The following TANGO2 variants were observed in gnomAD, a reference collection of about 807,000 sequenced individuals.
TANGO2 encodes the protein transport and golgi organization 2 homolog, also known as transport and Golgi organization protein 2 homolog.
A neutral mutation model predicts 39.1 loss-of-function variants in TANGO2; 26 were observed. That is an observed-to-expected ratio of 0.67 (90% CI 0.49 to 0.92). The LOEUF (loss-of-function observed/expected upper bound fraction) is 0.92, where lower values mean the gene tolerates loss of function less well. Ranked by LOEUF, TANGO2 falls within the 40% of genes least tolerant of loss-of-function variation. The pLI, the probability that TANGO2 is intolerant of heterozygous loss-of-function variation, is 0.00. For missense variants in TANGO2, 326 were observed against 360.1 expected (o/e 0.91, Z 0.77); for synonymous variants, 131 against 144.5 (o/e 0.91, Z 0.67).
intron 1 of TANGO2, among the ~76,000 whole-genome samples, chr22:20,022,865 C>T (rs551376411): frequency 2.9e-4 from 44 of 152,350 alleles, no homozygotes; most frequent in African/African-American, 1.1e-3. Flanking sequence ...CCATGCTTGT[C>T]ATTGACACTC....
chr22:20,044,339 A>C lies in TANGO2; in HGVS notation c.145+896A>C, dbSNP rs571413665. Among the ~76,000 whole-genome samples the C allele has an allele frequency of 2.6e-5, 4 of 152,244 alleles. No individual in the cohort carries two copies. The South Asian group carries it at 8.3e-4, about 32-fold the overall frequency. On this transcript the variant is annotated intron_variant, in intron 3 of 8. Transcript: ENST00000327374. ...GGAGTTCAAGACCAGTCTGGGCAAC[A>C]TGGTAAAACCCTGTCTCTACAAAAA... is the stretch of plus-strand genomic sequence containing the variant.
intron 1 of TANGO2, among the ~76,000 whole-genome samples, chr22:20,033,674 G>A (rs1449253062): frequency 6.6e-6 from 1 of 152,222 alleles, no homozygotes; most frequent in African/African-American, 2.4e-5. Flanking sequence ...GTTCTCATGT[G>A]CAGGAAAGAC....
intron 2 of TANGO2, among the ~76,000 whole-genome samples, chr22:20,037,794 A>C (rs2043135245): frequency 6.6e-6 from 1 of 152,172 alleles, no homozygotes; most frequent in Non-Finnish European, 1.5e-5. Flanking sequence ...GAGTGAACAG[A>C]ACTCTAAAGA....
At chr22:20,037,471 C>A in intron 2 of TANGO2, among the ~76,000 whole-genome samples, 1 of 152,312 alleles carries the variant, frequency 6.6e-6, no homozygotes, top group South Asian at 2.1e-4. Flanking sequence ...TGTAACCACT[C>A]TCTAATGCAA....
intron 3 of TANGO2, among the ~76,000 whole-genome samples, chr22:20,047,092 G>C (rs1481021319): frequency 6.6e-6 from 1 of 152,132 alleles, no homozygotes; most frequent in Non-Finnish European, 1.5e-5. Flanking sequence ...TAAACAACCA[G>C]TTCTCAAAGG....
At chr22:20,042,732 T>C (rs1268625098) in intron 2 of TANGO2, among the ~76,000 whole-genome samples, 1 of 151,998 alleles carries the variant, frequency 6.6e-6, no homozygotes, top group African/African-American at 2.4e-5. Context: ...GCCACTGCAC[T>C]CTAGCCTGGG....
intron 3 of TANGO2, among the ~76,000 whole-genome samples, chr22:20,051,728 C>G (rs2046376615): frequency 6.6e-6 from 1 of 151,746 alleles, no homozygotes; most frequent in Non-Finnish European, 1.5e-5. Context: ...TGGTACCTGC[C>G]TGTGGTCCCA....
chr22:20,030,893 C>T (rs930027610), intron 1 of TANGO2, among the ~76,000 whole-genome samples: 1 of 152,106 alleles, frequency 6.6e-6, no homozygotes, highest in African/African-American at 2.4e-5. Flanking sequence ...GAGACCCCAC[C>T]TCTCCAAAAA....
At chr22:20,036,456 A>T (rs1323469420) in intron 1 of TANGO2, among the ~76,000 whole-genome samples, 2 of 151,808 alleles carry the variant, frequency 1.3e-5, no homozygotes, top group African/African-American at 4.8e-5. Context: ...CCCCCCGGGG[A>T]CCCCCTCGGC....
At chr22:20,030,196 T>A (rs1467992368) in intron 1 of TANGO2, among the ~76,000 whole-genome samples, 1 of 150,994 alleles carries the variant, frequency 6.6e-6, no homozygotes, top group Admixed American at 6.6e-5. Flanking sequence ...AGATGGAGTT[T>A]CCCTCTTGTC....
chr22:20,017,496 C>G (rs144310551), upstream of TANGO2, among the ~76,000 whole-genome samples: 419 of 152,266 alleles, frequency 2.8e-3, 1 homozygote, highest in African/African-American at 9.2e-3. Flanking sequence ...TCACCTCCCC[C>G]ACCAGGCCTG....
rs1057524410 is a variant in TANGO2, at chr22:20,036,809, T to A, written c.11T>A (p.Ile4Asn). Residue 4 changes from isoleucine (I) to asparagine (N), a missense_variant, in exon 2 of 9, where the codon ATC becomes AAC. Physicochemically the swap from Ile to Asn is moderately radical, Grantham distance 149 (BLOSUM62 -3). Coordinates refer to ENST00000327374, the MANE Select transcript of TANGO2 (RefSeq NM_152906.7). MCIIFFKFDPRPVS... is the reference protein window; with the variant it reads MCINFFKFDPRPVS... ...CCGCCCTGCACCACCATGTGCATCATCTTCTTTAAGTTTGATCCTCGCCCT... is the reference window on the plus strand; with the variant it reads ...CCGCCCTGCACCACCATGTGCATCAACTTCTTTAAGTTTGATCCTCGCCCT... 1 of 1,614,218 alleles carries A rather than the reference T, an allele frequency of 6.2e-7. No individual in the cohort carries two copies. Among genetic ancestry groups the A allele is most frequent in the Non-Finnish European group, 8.5e-7 (1 of 1,180,052 alleles).
At chr22:20,035,972 C>T (rs762896907) in intron 1 of TANGO2, among the ~76,000 whole-genome samples, 8 of 152,186 alleles carry the variant, frequency 5.3e-5, no homozygotes, top group Non-Finnish European at 1.0e-4. Context: ...TTTCCCCGCA[C>T]TTAGTTGCCT....
intron 3 of TANGO2, chr22:20,048,434 A>G (rs1398713602): frequency 1.3e-5 from 2 of 152,236 alleles, no homozygotes; most frequent in Non-Finnish European, 2.9e-5. Context: ...ATGAGAATGG[A>G]CTAATAAATA....
At chr22:20,044,585 C>A (rs995101218) in intron 3 of TANGO2, among the ~76,000 whole-genome samples, 1 of 152,130 alleles carries the variant, frequency 6.6e-6, no homozygotes, top group Non-Finnish European at 1.5e-5. Context: ...TGTGAGGACT[C>A]CTGTGTAGGC....
intron 6 of TANGO2, chr22:20,056,982 AG>A (rs879662805): frequency 2.2e-6 from 1 of 455,370 alleles, no homozygotes; most frequent in African/African-American, 2.0e-5. Context: ...CCCCTCTGTG[AG>A]GGGGCTCCCT....
chr22:20,018,421 G>A (rs1368775412), upstream of TANGO2, among the ~76,000 whole-genome samples: 3 of 152,174 alleles, frequency 2.0e-5, no homozygotes, highest in Non-Finnish European at 4.4e-5. Context: ...AGGAGTAGAC[G>A]TAATGAGTCC....
rs895211698 is a variant in TANGO2, at chr22:20,066,662, C to T, written c.*2000C>T. 5.3e-5 allele frequency among the ~76,000 whole-genome samples: 8 copies of T among 151,940 alleles called. No homozygotes were observed. The highest frequency in any genetic ancestry group is 7.4e-5 in the Non-Finnish European group (5 of 67,914). ...AGAAACTGAGGCCCCACATCCCATA[C>T]GTGTCCTCTGAGTCAGGACAACAGG... On this transcript the variant is annotated 3_prime_UTR_variant, in exon 9 of 9. Transcript: ENST00000327374.
At chr22:20,055,844 C>T (rs2047226866) in intron 5 of TANGO2, 99 bp from the exon 6 acceptor site, 2 of 1,107,992 alleles carry the variant, frequency 1.8e-6, no homozygotes, top group African/African-American at 1.5e-5. Context: ...CTACTGCGCA[C>T]ATCGCTAGCC....
Sources: gnomAD v4.1 joint callset for allele counts (sites outside exome capture counted in the v4.1 genomes callset) on GRCh38, gnomAD v4.1.1 for gene constraint, MANE v1.5 for transcripts, NCBI Gene and HGNC (gene_info 2026-07-23, HGNC 2026-07-21) for gene names.